Variants in SLC8B1 observed in about 807,000 individuals in gnomAD.
The protein encoded by SLC8B1 is solute carrier family 8 member B1.
Under a neutral mutation model 63.4 loss-of-function variants are expected in SLC8B1, and 52 were observed. The ratio of observed to expected loss-of-function variants is 0.82; its 90% CI spans 0.66 to 1.03. The LOEUF (loss-of-function observed/expected upper bound fraction) is 1.03, where lower values mean the gene tolerates loss of function less well. Among genes scored for constraint, SLC8B1 ranks in the 50% least tolerant of loss-of-function variants. The pLI, the probability that SLC8B1 is intolerant of heterozygous loss-of-function variation, is 0.00. For synonymous variants in SLC8B1, 336 were observed against 323.9 expected (o/e 1.04, Z -0.40); for missense variants, 657 against 741.7 (o/e 0.89, Z 1.33).
chr12:113,303,114 G>GACACACACAC (rs57763094), intron 15 of SLC8B1, among the ~76,000 whole-genome samples: 46 of 140,946 alleles, frequency 3.3e-4, no homozygotes, highest in African/African-American at 8.9e-4. Context: ...AAAGGCGGTG[G>GACACACACAC]ACACACACAC....
chr12:113,318,293 G>A (rs1287149474), intron 8 of SLC8B1, among the ~76,000 whole-genome samples: 5 of 151,140 alleles, frequency 3.3e-5, no homozygotes, highest in Non-Finnish European at 7.4e-5. Context: ...ATGTGTGTGA[G>A]CATGTATTTG....
intron 13 of SLC8B1, chr12:113,306,779 C>G (rs1162202367): frequency 5.3e-6 from 3 of 561,964 alleles, no homozygotes; most frequent in Non-Finnish European, 9.6e-6. Context: ...TCCTTTACCC[C>G]ACTCTTTCAC....
In SLC8B1 at chr12:113,315,381, C is replaced by T; in HGVS notation, c.1089G>A (p.Leu363=). The T allele has an allele frequency of 6.4e-7, 1 of 1,564,896 alleles. No homozygotes were observed. Among genetic ancestry groups the T allele is most frequent in the African/African-American group, 1.3e-5 (1 of 74,084 alleles). The change falls in exon 11 of 16, where the codon CTG becomes CTA. Residue 363 remains leucine (L), a synonymous_variant. Transcript: ENST00000680972. ...GGACCACAACCAGGGGGCTGATAAC[C>T]AGATGCAGACAGTTGAGGGGCCGTT... ...NWKRPLNCLH[L]VISPLVVVLT...
At chr12:113,333,399 G>C (rs1165153495) in intron 1 of SLC8B1, among the ~76,000 whole-genome samples, 2 of 152,258 alleles carry the variant, frequency 1.3e-5, no homozygotes, top group Non-Finnish European at 2.9e-5. Context: ...CCACCAGTTT[G>C]AGACGTAGAG....
At chr12:113,314,348 C>T (rs1462433206) in intron 11 of SLC8B1, among the ~76,000 whole-genome samples, 1 of 152,266 alleles carries the variant, frequency 6.6e-6, no homozygotes, top group Non-Finnish European at 1.5e-5. Flanking sequence ...ACACCATGCC[C>T]AGCCATGCAT....
At position 113,321,038 on chromosome 12, in the gene SLC8B1, G is replaced by A; in HGVS notation, c.362+18C>T. On this transcript the variant is annotated intron_variant, in intron 4 of 15. Transcript: ENST00000680972. The stretch of plus-strand genomic sequence containing the variant: ...CCTCCCATTGATAAGCCAGACCGGA[G>A]CCCAGAGCCAAACTCACAACTTGGC... 6.2e-7 allele frequency: 1 copy of A among 1,609,026 alleles called. No homozygotes were observed. The highest frequency in any genetic ancestry group is 8.5e-7 in the Non-Finnish European group (1 of 1,177,664).
At chr12:113,324,743 G>A (rs924174831) in intron 2 of SLC8B1, among the ~76,000 whole-genome samples, 5 of 148,696 alleles carry the variant, frequency 3.4e-5, no homozygotes, top group East Asian at 2.0e-4. Context: ...TCACTCTGTC[G>A]CCTAGGCTGG....
chr12:113,319,497 T>G (rs1440671991), intron 7 of SLC8B1, among the ~76,000 whole-genome samples: 1 of 152,140 alleles, frequency 6.6e-6, no homozygotes, highest in Admixed American at 6.5e-5. Context: ...TGGCAGGGCT[T>G]GCAACCCTCT....
chr12:113,320,699 T>A lies in SLC8B1; in HGVS notation c.421-13A>T. The A allele has an allele frequency of 6.2e-7, 1 of 1,611,686 alleles. No homozygotes were observed. On this transcript the variant is annotated splice_polypyrimidine_tract_variant and intron_variant, in intron 5 of 15. Coordinates refer to ENST00000680972, the MANE Select transcript of SLC8B1 (RefSeq NM_001358345.2). This position sits in a 1 kb window ranked among gnomAD's most constrained non-coding sequence, Gnocchi z 5.3. ...GGAAGGTGACGCCATGTGGGGAGCATGTCAAGGCGGGCCAGGATCGCAGCT... is the reference window on the plus strand; with the variant it reads ...GGAAGGTGACGCCATGTGGGGAGCAAGTCAAGGCGGGCCAGGATCGCAGCT...
chr12:113,315,062 G>C (rs925539536), intron 11 of SLC8B1, among the ~76,000 whole-genome samples: 3 of 152,240 alleles, frequency 2.0e-5, no homozygotes, highest in Non-Finnish European at 4.4e-5. Context: ...AAGATGGGCG[G>C]ATCACTTGAG....
intron 2 of SLC8B1, among the ~76,000 whole-genome samples, chr12:113,322,584 G>A (rs958823515): frequency 2.0e-5 from 3 of 152,170 alleles, no homozygotes; most frequent in Non-Finnish European, 2.9e-5. Flanking sequence ...TCCTCCAGAA[G>A]CTGACTCAGA....
At chr12:113,325,768 T>C (rs1956989801) in intron 2 of SLC8B1, among the ~76,000 whole-genome samples, 1 of 151,850 alleles carries the variant, frequency 6.6e-6, no homozygotes, top group African/African-American at 2.4e-5. Flanking sequence ...TTTCACCGTG[T>C]TAGCCAGGAT....
intron 15 of SLC8B1, among the ~76,000 whole-genome samples, chr12:113,300,200 G>A (rs1421250225): frequency 6.6e-6 from 1 of 152,196 alleles, no homozygotes; most frequent in African/African-American, 2.4e-5. Flanking sequence ...AATCTCAGCC[G>A]AGCACAGTGG....
Position 113,332,907 on chromosome 12 carries a change from T to A in SLC8B1, c.-29A>T. 1 of 1,608,736 alleles carries A rather than the reference T, an allele frequency of 6.2e-7. No homozygotes were observed. On this transcript the variant is annotated 5_prime_UTR_variant, in exon 2 of 16. Transcript: ENST00000680972. ...CCCCCACGGGGCCTGGCCCTTACTC[T>A]CCACTTCCCTTTCTGCAGTAGCTCA...
chr12:113,319,114 C>T, intron 7 of SLC8B1, 43 bp from the exon 8 acceptor site: 1 of 1,490,412 alleles, frequency 6.7e-7, no homozygotes, highest in Non-Finnish European at 9.4e-7. Context: ...TGTCCTGGTG[C>T]AGGTCTAGAG....
chr12:113,299,586 G>A lies in SLC8B1; in HGVS notation c.*191C>T. ...TTTCCAAGGTCCCCACGGCAAGGCTGTTGGGTGCTGGCAGCAAGAGGTACA... is the reference window on the plus strand; with the variant it reads ...TTTCCAAGGTCCCCACGGCAAGGCTATTGGGTGCTGGCAGCAAGAGGTACA... On this transcript the variant is annotated 3_prime_UTR_variant, in exon 16 of 16. Coordinates refer to ENST00000680972, the MANE Select transcript of SLC8B1 (RefSeq NM_001358345.2). 2 of 610,522 alleles carry A rather than the reference G, an allele frequency of 3.3e-6. No individual in the cohort carries two copies. Among genetic ancestry groups the A allele is most frequent in the South Asian group, 3.8e-5 (2 of 52,376 alleles). The allele number at this position is 610,522 out of a possible 1,614,324, so 37.8% of individuals were successfully genotyped here. A position where few individuals can be genotyped will look rare whatever the true frequency, so the allele number is the denominator to read the frequency against.
At chr12:113,314,205 A>G (rs1251682371) in intron 11 of SLC8B1, among the ~76,000 whole-genome samples, 1 of 152,128 alleles carries the variant, frequency 6.6e-6, no homozygotes, top group Non-Finnish European at 1.5e-5. Context: ...CTCTCTATCA[A>G]TCATCTCTCC....
At position 113,318,744 on chromosome 12, in the gene SLC8B1, G is replaced by A. The variant is rs369792254; in HGVS notation, c.802+220C>T. Among the ~76,000 whole-genome samples, 9 of 152,340 alleles carry A rather than the reference G, an allele frequency of 5.9e-5. No individual in the cohort carries two copies. In the South Asian group the frequency reaches 1.0e-3, roughly 18 times the overall value. ...GAGAGATGGCCCTGGCAACTGCATAGAGAGAAGGAAGGAGTGCACTTGAGC... is the reference window on the plus strand; with the variant it reads ...GAGAGATGGCCCTGGCAACTGCATAAAGAGAAGGAAGGAGTGCACTTGAGC... On this transcript the variant is annotated intron_variant, in intron 8 of 15. Coordinates refer to ENST00000680972, the MANE Select transcript of SLC8B1 (RefSeq NM_001358345.2).
Position 113,307,699 on chromosome 12 carries a change from C to T in SLC8B1, c.1403G>A (p.Ser468Asn). ...LGLTLLAWGNSIGDAFSDFTL... is the reference protein window; with the variant it reads ...LGLTLLAWGNNIGDAFSDFTL... ...ACCCAGCCCTGAGTCACCTCCAATGCTGTTCCCCCAGGCCAGCAGCGTGAG... is the reference window on the plus strand; with the variant it reads ...ACCCAGCCCTGAGTCACCTCCAATGTTGTTCCCCCAGGCCAGCAGCGTGAG... Residue 468 changes from serine to asparagine, a missense_variant, in exon 13 of 16, where the codon AGC becomes AAC. Coordinates refer to ENST00000680972, the MANE Select transcript of SLC8B1 (RefSeq NM_001358345.2). 1.2e-6 allele frequency: 2 copies of T among 1,613,568 alleles called. No homozygotes were observed. The highest frequency in any genetic ancestry group is 1.7e-6 in the Non-Finnish European group (2 of 1,179,800).
Sources: gnomAD v4.1 joint callset for allele counts (sites outside exome capture counted in the v4.1 genomes callset) on GRCh38, gnomAD v4.1.1 for gene constraint, Gnocchi (gnomAD v3.1) non-coding constraint, MANE v1.5 for transcripts, NCBI Gene and HGNC (gene_info 2026-07-23, HGNC 2026-07-21) for gene names.